Variants in FAIM observed in about 807,000 individuals in gnomAD.
FAIM encodes fas apoptotic inhibitory molecule 1.
FAIM carries 14 observed loss-of-function variants against 21.2 expected under a neutral mutation model. That is an observed-to-expected ratio of 0.66 (90% confidence interval 0.44 to 1.03). The LOEUF (loss-of-function observed/expected upper bound fraction) is 1.03. FAIM is among the 50% of genes least tolerant of loss of function. The probability of loss-of-function intolerance (pLI) is 0.00; values close to 1 mark genes in which losing one functional copy is unlikely to be tolerated. For synonymous variants in FAIM, 86 were observed against 80.4 expected, an observed-to-expected ratio of 1.07 and a Z score of -0.37; for missense variants, 222 against 247.1, an observed-to-expected ratio of 0.90 and a Z score of 0.68.
chr3:138,616,319 C>T (rs912852150), intron 1 of FAIM, among the ~76,000 whole-genome samples: 2 of 152,182 alleles, frequency 1.3e-5, no homozygotes, highest in African/African-American at 4.8e-5. Context: ...TGAAGTATTT[C>T]AGCCTTTTAT....
At chr3:138,609,332 G>A (rs1398848733) in intron 1 of FAIM, among the ~76,000 whole-genome samples, 1 of 151,864 alleles carries the variant, frequency 6.6e-6, no homozygotes, top group Non-Finnish European at 1.5e-5. Flanking sequence ...ACCCTCCTCC[G>A]GCCTGTTCGC....
intron 4 of FAIM, among the ~76,000 whole-genome samples, chr3:138,628,403 A>G (rs751242746): frequency 2.6e-5 from 4 of 152,164 alleles, no homozygotes; most frequent in African/African-American, 7.2e-5. Context: ...CATCTGGTCA[A>G]TATTGAAGGG....
chr3:138,621,018 A>G (rs1180220389), intron 2 of FAIM, among the ~76,000 whole-genome samples: 1 of 152,178 alleles, frequency 6.6e-6, no homozygotes, highest in Non-Finnish European at 1.5e-5. Context: ...TGAAAAAGAG[A>G]AATAAAATTA....
intron 4 of FAIM, among the ~76,000 whole-genome samples, chr3:138,623,907 A>G (rs1446130152): frequency 1.3e-5 from 2 of 152,146 alleles, no homozygotes; most frequent in Non-Finnish European, 2.9e-5. Flanking sequence ...TGCTAAGTTG[A>G]TAGTTTTGTT....
intron 1 of FAIM, among the ~76,000 whole-genome samples, chr3:138,609,312 G>C (rs942219249): frequency 7.3e-5 from 11 of 151,362 alleles, no homozygotes; most frequent in Non-Finnish European, 1.5e-4. Flanking sequence ...CCTGCCCCGC[G>C]ACCTGCCGCA....
Position 138,633,303 on chromosome 3 carries a change from C to A in FAIM, c.*224C>A. The A allele has an allele frequency of 3.2e-6, 1 of 314,228 alleles. No individual in the cohort carries two copies. The highest frequency in any genetic ancestry group is 5.8e-6 in the Non-Finnish European group (1 of 171,856). The allele number at this position is 314,228 out of a possible 1,614,324, so 19.5% of individuals were successfully genotyped here. On this transcript the variant is annotated 3_prime_UTR_variant, in exon 6 of 6. Transcript: ENST00000360570. ...TGTAAAATGTTTTAAAGACAAATGG[C>A]AAATAAGATATGGACCAAAGTCACT... is the stretch of plus-strand genomic sequence containing the variant.
At chr3:138,610,852 G>C in intron 1 of FAIM, 1 of 895,808 alleles carries the variant, frequency 1.1e-6, no homozygotes. Flanking sequence ...CAAAGTGCTG[G>C]GATTACGGGG....
intron 1 of FAIM, among the ~76,000 whole-genome samples, chr3:138,609,578 A>T (rs1034676255): frequency 0.04 from 187 of 4,674 alleles, 1 homozygote; most frequent in African/African-American, 0.073. Flanking sequence ...CTCTCTCTCG[A>T]CTCTCTCTCT....
At chr3:138,609,493 G>A (rs1306098639) in intron 1 of FAIM, among the ~76,000 whole-genome samples, 1 of 119,822 alleles carries the variant, frequency 8.3e-6, no homozygotes, top group African/African-American at 3.2e-5. Flanking sequence ...TAACATGAGC[G>A]GGGCTTGTTT....
chr3:138,624,455 T>C (rs2042919916), intron 4 of FAIM, among the ~76,000 whole-genome samples: 1 of 152,234 alleles, frequency 6.6e-6, no homozygotes, highest in South Asian at 2.1e-4. Flanking sequence ...ACTCCTTGTC[T>C]GCCTTTACTC....
intron 1 of FAIM, among the ~76,000 whole-genome samples, chr3:138,609,539 T>C (rs908977112): frequency 4.9e-4 from 5 of 10,300 alleles, no homozygotes; most frequent in African/African-American, 1.6e-3. Context: ...TGAAACTCTC[T>C]CTCTCTCTCT....
At chr3:138,609,570 C>T in intron 1 of FAIM, among the ~76,000 whole-genome samples, 1 of 95,504 alleles carries the variant, frequency 1.0e-5, no homozygotes. Flanking sequence ...CTCTCTCTCT[C>T]TCTCTCGACT....
intron 1 of FAIM, among the ~76,000 whole-genome samples, chr3:138,618,537 A>G (rs2042852269): frequency 6.6e-6 from 1 of 152,074 alleles, no homozygotes; most frequent in African/African-American, 2.4e-5. Flanking sequence ...ATGTGGTGGC[A>G]TGCAGTTGTA....
chr3:138,627,757 A>G (rs1172950209), intron 4 of FAIM, among the ~76,000 whole-genome samples: 1 of 152,026 alleles, frequency 6.6e-6, no homozygotes, highest in African/African-American at 2.4e-5. Flanking sequence ...ACCCCTGCCC[A>G]TATCTCCTGG....
chr3:138,617,054 A>C (rs2042832750), intron 1 of FAIM, among the ~76,000 whole-genome samples: 1 of 152,118 alleles, frequency 6.6e-6, no homozygotes, highest in Admixed American at 6.5e-5. Flanking sequence ...ATGATTGTTC[A>C]TAGTTTAGAG....
At chr3:138,613,656 A>G (rs1373603587) in intron 1 of FAIM, among the ~76,000 whole-genome samples, 1 of 150,852 alleles carries the variant, frequency 6.6e-6, no homozygotes, top group Non-Finnish European at 1.5e-5. Flanking sequence ...GCTAGTTTTT[A>G]AATTTTTTTG....
At chr3:138,620,933 T>C (rs1272401043) in intron 2 of FAIM, among the ~76,000 whole-genome samples, 1 of 152,222 alleles carries the variant, frequency 6.6e-6, no homozygotes, top group Non-Finnish European at 1.5e-5. Context: ...TTAGAACCTT[T>C]TTGTTAAAAC....
At chr3:138,631,307 C>T (rs1259148951) in intron 5 of FAIM, among the ~76,000 whole-genome samples, 1 of 151,572 alleles carries the variant, frequency 6.6e-6, no homozygotes, top group Non-Finnish European at 1.5e-5. Context: ...CCCCGCTGCT[C>T]AGGAGGCTGA....
chr3:138,615,442 G>A (rs1269594114), intron 1 of FAIM, among the ~76,000 whole-genome samples: 2 of 152,172 alleles, frequency 1.3e-5, no homozygotes, highest in East Asian at 1.9e-4. Flanking sequence ...CACCAGTTAC[G>A]AAGAAGTAAG....
Sources: allele counts gnomAD v4.1 joint callset (sites outside exome capture counted in the v4.1 genomes callset), GRCh38; gene constraint gnomAD v4.1.1; transcripts MANE v1.5; gene names NCBI Gene and HGNC (gene_info 2026-07-23, HGNC 2026-07-21).